The following METTL15 variants were observed in gnomAD, a reference collection of about 807,000 sequenced individuals.
METTL15 encodes methyltransferase 15, mitochondrial 12S rRNA N4-cytidine.
Under a neutral mutation model 38.3 loss-of-function variants are expected in METTL15, and 34 were observed. The ratio of observed to expected loss-of-function variants is 0.89; its 90% CI spans 0.68 to 1.18. The LOEUF (loss-of-function observed/expected upper bound fraction) is 1.18, where lower values mean the gene tolerates loss of function less well. METTL15 is among the 50% of genes most tolerant of loss of function. METTL15 has a pLI of 0.00. For synonymous variants in METTL15, 162 were observed against 170.9 expected, an observed-to-expected ratio of 0.95 and a Z score of 0.41; for missense variants, 438 against 498.4, an observed-to-expected ratio of 0.88 and a Z score of 1.15.
intron 3 of METTL15, among the ~76,000 whole-genome samples, chr11:28,152,668 G>C (rs1343901629): frequency 2.6e-5 from 4 of 151,872 alleles, no homozygotes; most frequent in African/African-American, 9.7e-5. Flanking sequence ...AGATACTCAA[G>C]TTCCTTATAT....
In METTL15 at chr11:28,385,522, C is replaced by G. The variant is rs765078711; in HGVS notation, c.*358+23486C>G. Among the ~76,000 whole-genome samples the G allele has an allele frequency of 4.6e-5, 7 of 151,964 alleles. No homozygotes were observed. The South Asian group carries it at 1.2e-3, about 27-fold the overall frequency. On this transcript the variant is annotated intron_variant and NMD_transcript_variant, in intron 5 of 7. Transcript: ENST00000532947. ...CTATGTGTTTGTTTTTGTACTAGTA[C>G]CATGCTGTTTTGGTTACTATAGCCT...
chr11:28,447,247 A>G (rs1851083002), intron 6 of METTL15, among the ~76,000 whole-genome samples: 1 of 152,092 alleles, frequency 6.6e-6, no homozygotes, highest in South Asian at 2.1e-4. Context: ...TAATTCTCTC[A>G]TGAGATTAGG....
At chr11:28,452,785 T>G (rs940873911) in intron 6 of METTL15, among the ~76,000 whole-genome samples, 7 of 152,144 alleles carry the variant, frequency 4.6e-5, no homozygotes, top group Non-Finnish European at 8.8e-5. Context: ...GTTGAGCACT[T>G]TGAGTAGCCA....
chr11:28,132,868 A>C (rs760712525), intron 3 of METTL15, among the ~76,000 whole-genome samples: 75 of 152,192 alleles, frequency 4.9e-4, no homozygotes, highest in Non-Finnish European at 8.8e-4. Context: ...AACTTAGAGT[A>C]CTGAATTAAT....
chr11:28,246,569 G>A (rs1202404699), intron 4 of METTL15, among the ~76,000 whole-genome samples: 3 of 152,120 alleles, frequency 2.0e-5, no homozygotes, highest in Non-Finnish European at 4.4e-5. Context: ...TGCCTAGCAG[G>A]TAATAAGTGC....
intron 6 of METTL15, among the ~76,000 whole-genome samples, chr11:28,445,653 T>C (rs539575721): frequency 6.6e-6 from 1 of 152,240 alleles, no homozygotes; most frequent in South Asian, 2.1e-4. Context: ...CCAGTTATTA[T>C]ATTTCATTAT....
chr11:28,419,293 T>G (rs759101715), intron 5 of METTL15, among the ~76,000 whole-genome samples: 1 of 152,020 alleles, frequency 6.6e-6, no homozygotes, highest in Non-Finnish European at 1.5e-5. Flanking sequence ...CAGCTCAGCA[T>G]AGAGAGGAAG....
At chr11:28,375,164 A>G (rs1416785215) in intron 5 of METTL15, among the ~76,000 whole-genome samples, 5 of 144,516 alleles carry the variant, frequency 3.5e-5, no homozygotes, top group Admixed American at 2.1e-4. Context: ...TTGGTATCAG[A>G]ATGATGCTGG....
intron 4 of METTL15, among the ~76,000 whole-genome samples, chr11:28,257,990 T>C (rs1029663374): frequency 2.0e-5 from 3 of 152,180 alleles, no homozygotes; most frequent in Admixed American, 6.5e-5. Context: ...TTTATTATAG[T>C]TTTCATAGTC....
At chr11:28,425,001 A>T (rs922761868) in intron 6 of METTL15, among the ~76,000 whole-genome samples, 12 of 152,204 alleles carry the variant, frequency 7.9e-5, no homozygotes, top group Admixed American at 1.3e-4. Flanking sequence ...TATACAGAGC[A>T]TGGAAATAAC....
chr11:28,506,720 T>A (rs1851630184), intron 6 of METTL15, among the ~76,000 whole-genome samples: 1 of 148,892 alleles, frequency 6.7e-6, no homozygotes, highest in African/African-American at 2.5e-5. Flanking sequence ...CCTGAATTGC[T>A]AATCAATCTC....
intron 4 of METTL15, among the ~76,000 whole-genome samples, chr11:28,240,838 G>C (rs1167602869): frequency 2.6e-5 from 4 of 152,018 alleles, no homozygotes; most frequent in African/African-American, 9.7e-5. Flanking sequence ...TTTTAATAAA[G>C]ATTAAAAAAT....
At chr11:28,396,447 A>G (rs972951294) in intron 5 of METTL15, among the ~76,000 whole-genome samples, 3 of 151,946 alleles carry the variant, frequency 2.0e-5, no homozygotes, top group African/African-American at 7.2e-5. Context: ...TTATATACCA[A>G]TAACAGACAG....
intron 3 of METTL15, chr11:28,122,078 CTG>C: frequency 2.0e-6 from 2 of 997,484 alleles, no homozygotes; most frequent in Non-Finnish European, 2.5e-6. Flanking sequence ...TTTATTAAAA[CTG>C]TAATGTGTAT....
At chr11:28,477,092 A>T (rs559896737) in intron 6 of METTL15, among the ~76,000 whole-genome samples, 18 of 152,214 alleles carry the variant, frequency 1.2e-4, no homozygotes, top group Non-Finnish European at 2.2e-4. Context: ...TGTGACTAAA[A>T]TCCCCAGACT....
chr11:28,161,121 TTTTTTG>T (rs1485307107), intron 3 of METTL15, among the ~76,000 whole-genome samples: 2 of 145,324 alleles, frequency 1.4e-5, no homozygotes, highest in African/African-American at 2.5e-5. Flanking sequence ...TTTTTTTTTT[TTTTTTG>T]TTTTTTGTTT....
At chr11:28,207,124 G>T (rs1852380691) in intron 3 of METTL15, among the ~76,000 whole-genome samples, 1 of 149,312 alleles carries the variant, frequency 6.7e-6, no homozygotes, top group Non-Finnish European at 1.5e-5. Flanking sequence ...TCATTGCCCT[G>T]GCCAGAACTT....
chr11:28,527,015 A>G (rs1851817035), exon 8 of METTL15: 1 of 152,058 alleles, frequency 6.6e-6, no homozygotes, highest in Non-Finnish European at 1.5e-5. Context: ...TTTTTTTTTA[A>G]CACAATAAAA....
At chr11:28,510,570 T>C (rs191499328) in intron 6 of METTL15, among the ~76,000 whole-genome samples, 3 of 152,286 alleles carry the variant, frequency 2.0e-5, no homozygotes, top group Admixed American at 6.5e-5. Context: ...CAATTTTGAA[T>C]GCTATGTGTC....
Sources: gnomAD v4.1 joint callset for allele counts (sites outside exome capture counted in the v4.1 genomes callset) on GRCh38, gnomAD v4.1.1 for gene constraint, MANE v1.5 for transcripts, NCBI Gene and HGNC (gene_info 2026-07-23, HGNC 2026-07-21) for gene names.